ANAPC5: variants seen among roughly 807,000 people sequenced by gnomAD.
ANAPC5 encodes anaphase promoting complex subunit 5, also known as anaphase-promoting complex subunit 5.
A neutral mutation model predicts 91.3 loss-of-function variants in ANAPC5; 60 were observed. That is an observed-to-expected ratio of 0.66 (90% CI 0.53 to 0.81). The LOEUF (loss-of-function observed/expected upper bound fraction) is 0.81, where lower values mean the gene tolerates loss of function less well. Among genes scored for constraint, ANAPC5 ranks in the 40% least tolerant of loss-of-function variants. The pLI is 0.00. For missense variants in ANAPC5, 690 were observed against 931.5 expected (o/e 0.74, Z 3.37); for synonymous variants, 340 against 364.1 (o/e 0.93, Z 0.75).
intron 3 of ANAPC5, chr12:121,346,312 T>C (rs1185693430): frequency 3.5e-6 from 1 of 283,150 alleles, no homozygotes; most frequent in East Asian, 6.4e-5. Context: ...ATGATATTTA[T>C]GTGTTTACTT....
At chr12:121,349,309 C>A (rs1358886235) in intron 1 of ANAPC5, among the ~76,000 whole-genome samples, 2 of 152,016 alleles carry the variant, frequency 1.3e-5, no homozygotes, top group African/African-American at 4.8e-5. Context: ...GCCTGTAATG[C>A]CAGCACTTTG....
chr12:121,315,181 T>A (rs1435390606), intron 15 of ANAPC5, among the ~76,000 whole-genome samples: 3 of 152,080 alleles, frequency 2.0e-5, no homozygotes, highest in Non-Finnish European at 4.4e-5. Flanking sequence ...TTTAAAAAAA[T>A]TTCATTTAAA....
intron 5 of ANAPC5, among the ~76,000 whole-genome samples, chr12:121,337,604 A>G (rs1450811218): frequency 6.6e-6 from 1 of 151,784 alleles, no homozygotes; most frequent in Non-Finnish European, 1.5e-5. Context: ...CATCTACAAC[A>G]CTGTTTCCTC....
At chr12:121,331,239 G>A (rs782459617) in intron 8 of ANAPC5, 108 bp downstream of exon 8, 8 of 859,204 alleles carry the variant, frequency 9.3e-6, no homozygotes, top group Admixed American at 7.2e-5. Context: ...GTTTCCTTTT[G>A]CTGCTGAAGA....
intron 15 of ANAPC5, among the ~76,000 whole-genome samples, chr12:121,312,879 C>CA (rs368946538): frequency 0.089 from 12,543 of 141,066 alleles, 1,638 homozygotes; most frequent in African/African-American, 0.29. Context: ...GGCTCTGTCT[C>CA]AAAAAAAAAA....
Position 121,342,030 on chromosome 12 carries a change from T to G in ANAPC5, c.630A>C (p.Lys210Asn). Residue 210 changes from lysine (K) to asparagine (N), a missense_variant, in exon 5 of 17, where the codon AAA (lysine) becomes AAC (asparagine). Coordinates refer to ENST00000261819, the MANE Select transcript of ANAPC5 (RefSeq NM_016237.5). This position sits in a 1 kb window ranked among gnomAD's most constrained non-coding sequence, Gnocchi z 4.1. ...EVSCSGPLSQ[K>N]QAEFFLSQQA... is the part of the protein sequence containing the mutation. ...GTTGAGAAAGAAAAAATTCTGCTTG[T>G]TTTTGGGACAGAGGCCCACTGCAAG... is the stretch of plus-strand genomic sequence containing the variant. 1 of 1,608,536 alleles carries G rather than the reference T, an allele frequency of 6.2e-7. No individual in the cohort carries two copies. Among genetic ancestry groups the G allele is most frequent in the Admixed American group, 1.7e-5 (1 of 59,370 alleles).
At chr12:121,323,949 GA>G (rs751883701) in intron 11 of ANAPC5, among the ~76,000 whole-genome samples, 3 of 152,022 alleles carry the variant, frequency 2.0e-5, no homozygotes, top group Non-Finnish European at 4.4e-5. Flanking sequence ...AGATGAGCTA[GA>G]ATTACATGGA....
chr12:121,322,957 A>T lies in ANAPC5; in HGVS notation c.1441-2498T>A, dbSNP rs542433855. On this transcript the variant is annotated intron_variant, in intron 11 of 16. Transcript: ENST00000261819. ...GGAGAATCGCTTGAACCCAGGAGGC[A>T]GAGGTTGCAGTGAGCTGAGATCACA... Among the ~76,000 whole-genome samples the T allele has an allele frequency of 7.6e-4, 115 of 152,174 alleles. 1 individual carries two copies. Among genetic ancestry groups the T allele is most frequent in the African/African-American group, 2.6e-3 (107 of 41,504 alleles).
intron 3 of ANAPC5, chr12:121,346,272 A>C (rs894142210): frequency 2.5e-6 from 1 of 406,068 alleles, no homozygotes; most frequent in Middle Eastern, 6.4e-4. Context: ...CTTCCATTTT[A>C]CTTTCTTCAT....
At chr12:121,344,814 A>G (rs1222088968) in intron 4 of ANAPC5, among the ~76,000 whole-genome samples, 1 of 152,132 alleles carries the variant, frequency 6.6e-6, no homozygotes, top group Non-Finnish European at 1.5e-5. Context: ...GAAGGAGAAA[A>G]TAAAGAGAAA....
At chr12:121,349,039 C>T (rs1706462) in intron 1 of ANAPC5, among the ~76,000 whole-genome samples, 99,390 of 152,028 alleles carry the variant, frequency 0.65, 37,743 homozygotes, top group Non-Finnish European at 0.84. Flanking sequence ...CTGAAGCAGG[C>T]AGATTACTTG....
At position 121,330,541 on chromosome 12, in the gene ANAPC5, C is replaced by T. The variant is rs145735955; in HGVS notation, c.1122+42G>A. 1.1e-3 allele frequency: 1,688 copies of T among 1,550,784 alleles called. 17 individuals carry two copies. The East Asian group carries it at 0.013, about 12-fold the overall frequency. ...GTGGGCAGAAAAAGAGACAAAGGCTCGACCATTTATGGAAACAATCTCACA... is the reference window on the plus strand; with the variant it reads ...GTGGGCAGAAAAAGAGACAAAGGCTTGACCATTTATGGAAACAATCTCACA... On this transcript the variant is annotated intron_variant, in intron 9 of 16. Transcript: ENST00000261819.
chr12:121,309,146 C>CAAAAA (rs35933671), intron 16 of ANAPC5, among the ~76,000 whole-genome samples: 1 of 36,848 alleles, frequency 2.7e-5, no homozygotes, highest in African/African-American at 8.9e-5. Context: ...GACTCCATCT[C>CAAAAA]AAAAAAAAAA....
Position 121,318,531 on chromosome 12 carries a change from T to A in ANAPC5, c.1715A>T (p.Gln572Leu), listed in dbSNP as rs1391522085. 1 of 1,614,098 alleles carries A rather than the reference T, an allele frequency of 6.2e-7. No individual in the cohort carries two copies. Among genetic ancestry groups the A allele is most frequent in the East Asian group, 2.2e-5 (1 of 44,894 alleles). Residue 572 changes from glutamine to leucine, a missense_variant, in exon 14 of 17, where the codon CAG becomes CTG. Gln to Leu is a moderately radical substitution (Grantham distance 113, BLOSUM62 -2). Transcript: ENST00000261819. The part of the protein sequence containing the change: ...KLLQKLLVHC[Q>L]KLKNTEMVIS... ...CACCATTTCTGTGTTCTTCAGTTTCTGACAATGAACCAACAATTTTTGTAA... is the reference window on the plus strand; with the variant it reads ...CACCATTTCTGTGTTCTTCAGTTTCAGACAATGAACCAACAATTTTTGTAA...
intron 11 of ANAPC5, 112 bp downstream of exon 11, chr12:121,326,984 G>A: frequency 7.3e-7 from 1 of 1,363,954 alleles, no homozygotes; most frequent in Non-Finnish European, 9.6e-7. Flanking sequence ...TTCAGCCACA[G>A]TGTCGAGCAG....
At chr12:121,327,383 C>G (rs1237632519) in intron 10 of ANAPC5, 152 bp from the exon 11 acceptor site, 5 of 898,804 alleles carry the variant, frequency 5.6e-6, no homozygotes, top group Non-Finnish European at 8.2e-6. Context: ...TGCCAGCAAC[C>G]TTGCCCTCAG....
At chr12:121,352,059 A>G (rs1321941318) in intron 1 of ANAPC5, 75 bp downstream of exon 1, 6 of 1,393,630 alleles carry the variant, frequency 4.3e-6, no homozygotes, top group Non-Finnish European at 5.8e-6. Flanking sequence ...AGTGTCCCCA[A>G]GCCCAGGGTT....
At chr12:121,312,251 C>T (rs1902190223) in intron 15 of ANAPC5, among the ~76,000 whole-genome samples, 1 of 152,068 alleles carries the variant, frequency 6.6e-6, no homozygotes, top group Non-Finnish European at 1.5e-5. Flanking sequence ...TTAGAAAATG[C>T]AATGAGGTGT....
intron 2 of ANAPC5, 169 bp downstream of exon 2, chr12:121,347,633 A>G: frequency 1.7e-6 from 1 of 604,596 alleles, no homozygotes; most frequent in South Asian, 2.1e-5. Flanking sequence ...CCTGTCTCCA[A>G]AGAAAAAGCT....
Sources: allele counts gnomAD v4.1 joint callset (sites outside exome capture counted in the v4.1 genomes callset), GRCh38; gene constraint gnomAD v4.1.1; non-coding constraint Gnocchi (gnomAD v3.1); transcripts MANE v1.5; gene names NCBI Gene and HGNC (gene_info 2026-07-23, HGNC 2026-07-21).